Variants in ANKRD63 observed in about 807,000 individuals in gnomAD.
ANKRD63 encodes the protein ankyrin repeat domain-containing protein 63.
In ANKRD63, 18 loss-of-function variants were observed where a neutral mutation model predicts 21.2. The observed-to-expected ratio is 0.85, with a 90% confidence interval of 0.59 to 1.26. The LOEUF (loss-of-function observed/expected upper bound fraction) is 1.26, where lower values mean the gene tolerates loss of function less well. Among genes scored for constraint, ANKRD63 ranks in the 50% most tolerant of loss-of-function variants. The probability of loss-of-function intolerance (pLI) is 0.00; values close to 1 mark genes in which losing one functional copy is unlikely to be tolerated. For missense variants in ANKRD63, 523 were observed against 570.9 expected, an observed-to-expected ratio of 0.92 and a Z score of 0.85; for synonymous variants, 322 against 273.3, an observed-to-expected ratio of 1.18 and a Z score of -1.76.
Position 40,281,341 on chromosome 15 carries a change from T to C in ANKRD63, c.*103A>G. 1 of 1,064,316 alleles carries C rather than the reference T, an allele frequency of 9.4e-7. No individual in the cohort carries two copies. The highest frequency in any genetic ancestry group is 1.2e-6 in the Non-Finnish European group (1 of 805,280). 65.9% of individuals were successfully genotyped at this position (1,064,316 alleles called of 1,614,324 possible). ...CAGGGAGGCAGGTTCCAAAATGGACTGCGGGGGGCGGCTGCCGAAAAGGTG... is the reference window on the plus strand; with the variant it reads ...CAGGGAGGCAGGTTCCAAAATGGACCGCGGGGGGCGGCTGCCGAAAAGGTG... On this transcript the variant is annotated 3_prime_UTR_variant, in exon 1 of 1. Coordinates refer to ENST00000434396, the MANE Select transcript of ANKRD63 (RefSeq NM_001190479.3).
rs1022659900 is a variant in ANKRD63, at chr15:40,279,722, G to A, written c.*1722C>T. Among the ~76,000 whole-genome samples the A allele has an allele frequency of 6.6e-6, 1 of 152,226 alleles. No individual in the cohort carries two copies. Among genetic ancestry groups the A allele is most frequent in the Admixed American group, 6.5e-5 (1 of 15,288 alleles). On this transcript the variant is annotated 3_prime_UTR_variant, in exon 1 of 1. Coordinates refer to ENST00000434396, the MANE Select transcript of ANKRD63 (RefSeq NM_001190479.3). Reference sequence around the variant, plus strand: ...TCACCGCCAGGCCCAGCAGTATCTCGGCACATTCTCGCTCTGGGCAGTTCC... The same window carrying A: ...TCACCGCCAGGCCCAGCAGTATCTCAGCACATTCTCGCTCTGGGCAGTTCC...
chr15:40,282,385 GCA>G lies in ANKRD63; in HGVS notation c.200_201del (p.Val67AlafsTer42). 6.7e-7 allele frequency: 1 copy of G among 1,497,404 alleles called. No homozygotes were observed. Among genetic ancestry groups the G allele is most frequent in the Non-Finnish European group, 8.8e-7 (1 of 1,132,626 alleles). 92.8% of individuals were successfully genotyped at this position (1,497,404 alleles called of 1,614,324 possible). ...LPDPALRARF[V>X]RLLLEQGAAV... The stretch of plus-strand genomic sequence containing the variant: ...GCAGCACCCTGCTCGAGCAGCAGCC[GCA>G]CGAAGCGCGCGCGCAGCGCGGGGTC... On this transcript the variant is annotated frameshift_variant, in exon 1 of 1. Coordinates refer to ENST00000434396, the MANE Select transcript of ANKRD63 (RefSeq NM_001190479.3). LOFTEE classifies it high-confidence loss of function.
At position 40,282,129 on chromosome 15, in the gene ANKRD63, G is replaced by T; in HGVS notation, c.458C>A (p.Ala153Glu). 4 of 1,441,830 alleles carry T rather than the reference G, an allele frequency of 2.8e-6. No homozygotes were observed. Among genetic ancestry groups the T allele is most frequent in the Non-Finnish European group, 3.6e-6 (4 of 1,104,770 alleles). 89.3% of individuals were successfully genotyped at this position (1,441,830 alleles called of 1,614,324 possible). Residue 153 changes from alanine (A) to glutamate (E), a missense_variant, in exon 1 of 1, where the codon GCG (alanine) becomes GAG (glutamate). Transcript: ENST00000434396. ...GGCCAGTTGCAGCGCGGTGAGCCCC[G>T]CACGGTTGGTGCGGTCGAGGCGCAG... The part of the protein sequence containing the change: ...LGLRLDRTNR[A>E]GLTALQLAAA...
Position 40,280,502 on chromosome 15 carries a change from G to T in ANKRD63, c.*942C>A, listed in dbSNP as rs2039528606. On this transcript the variant is annotated 3_prime_UTR_variant, in exon 1 of 1. Transcript: ENST00000434396. ...ACAGCCTTCGCAACCGTTCCACCCC[G>T]CGGGAGCACCCACGTGCGGGACGGG... 6.6e-6 allele frequency among the ~76,000 whole-genome samples: 1 copy of T among 152,260 alleles called. No homozygotes were observed. The highest frequency in any genetic ancestry group is 1.5e-5 in the Non-Finnish European group (1 of 68,048).
chr15:40,281,925 C>G lies in ANKRD63; in HGVS notation c.662G>C (p.Arg221Pro). 1 of 1,400,168 alleles carries G rather than the reference C, an allele frequency of 7.1e-7. No individual in the cohort carries two copies. The highest frequency in any genetic ancestry group is 9.2e-7 in the Non-Finnish European group (1 of 1,087,596). 86.7% of individuals were successfully genotyped at this position (1,400,168 alleles called of 1,614,324 possible). The change falls in exon 1 of 1, where the codon CGC becomes CCC. Residue 221 changes from arginine (R) to proline (P), a missense_variant. By Grantham distance (103) the Arg-to-Pro change is moderately radical. Around this residue, in one of 2 missense-constraint regions of ANKRD63, gnomAD observed 308 missense variants for 290.4 expected, o/e 1.06. Transcript: ENST00000434396. The stretch of plus-strand genomic sequence containing the variant: ...GTGGCCGCCCGCCGCTCGCGCAAAG[C>G]GCGCCAGGAGAGGCCGCGGGAGGCG... ...PRRLPRPLLA[R>P]FARAAGGHGG...
rs779438129 is a variant in ANKRD63, at chr15:40,278,744, G to A, written c.*2700C>T. 2.0e-5 allele frequency among the ~76,000 whole-genome samples: 3 copies of A among 152,136 alleles called. No individual in the cohort carries two copies. Among genetic ancestry groups the A allele is most frequent in the African/African-American group, 4.8e-5 (2 of 41,412 alleles). ...TGGACAGCAAGGCAGTCAGACACAC[G>A]ATGCAGTTCAGACAGGAAAGAGCCG... On this transcript the variant is annotated 3_prime_UTR_variant, in exon 1 of 1. Coordinates refer to ENST00000434396, the MANE Select transcript of ANKRD63 (RefSeq NM_001190479.3).
rs1274260654 is a variant in ANKRD63, at chr15:40,282,014, G to A, written c.573C>T (p.Ser191=). Residue 191 remains serine, a synonymous_variant, in exon 1 of 1, where the codon TCC becomes TCT. Coordinates refer to ENST00000434396, the MANE Select transcript of ANKRD63 (RefSeq NM_001190479.3). ...GGGCCGGGCGGCCAGGGGGACTATC[G>A]GAGTTGGAGCCCCGGGCCGCAGCGG... ...AAAAAARGSN[S]DSPPGRPAPA... 8 of 1,218,202 alleles carry A rather than the reference G, an allele frequency of 6.6e-6. No homozygotes were observed. The highest frequency in any genetic ancestry group is 3.9e-5 in the South Asian group (1 of 25,710). The allele number at this position is 1,218,202 out of a possible 1,614,324, so 75.5% of individuals were successfully genotyped here.
rs8031327 is a variant in ANKRD63 at position 40,279,804 on chromosome 15, T to C, written c.*1640A>G. ...TGCAAAGGCAAACAGATCGAAGTCT[T>C]GCAAAGACCTTACTGCAGGCAGGTG... On this transcript the variant is annotated 3_prime_UTR_variant, in exon 1 of 1. Transcript: ENST00000434396. Among the ~76,000 whole-genome samples, 673 of 152,370 alleles carry C rather than the reference T, an allele frequency of 4.4e-3. 7 individuals carry two copies. The highest frequency in any genetic ancestry group is 0.015 in the African/African-American group (643 of 41,584).
chr15:40,282,581 G>T lies in ANKRD63; in HGVS notation c.6C>A (p.Leu2=). Residue 2 remains leucine (L), a synonymous_variant, in exon 1 of 1, where the codon CTC becomes CTA. Transcript: ENST00000434396. M[L]KPKDLCPRAG... is the part of the protein sequence containing the mutation. ...CTCGGGGGCACAGGTCCTTGGGTTT[G>T]AGCATGGCCCCGGCCGCCGCGCCCG... 3 of 1,410,374 alleles carry T rather than the reference G, an allele frequency of 2.1e-6. No individual in the cohort carries two copies. The highest frequency in any genetic ancestry group is 2.8e-6 in the Non-Finnish European group (3 of 1,087,046). The allele number at this position is 1,410,374 out of a possible 1,614,324, so 87.4% of individuals were successfully genotyped here. A position where few individuals can be genotyped will look rare whatever the true frequency, so the allele number is the denominator to read the frequency against.
At position 40,281,599 on chromosome 15, in the gene ANKRD63, G is replaced by A. The variant is rs1595613399; in HGVS notation, c.988C>T (p.Arg330Cys). The stretch of plus-strand genomic sequence containing the variant: ...CTGGGGATATCTGGGGCTGTGGAGC[G>A]TCGGCGCAAACCCAGGCGGCCAGAG... ...PGSGRLGLRRRSTAPDIPSLV... is the reference protein window; with the variant it reads ...PGSGRLGLRRCSTAPDIPSLV... Residue 330 changes from arginine (R) to cysteine (C), a missense_variant, in exon 1 of 1, where the codon CGC becomes TGC. Physicochemically the swap from Arg to Cys is radical, Grantham distance 180. Coordinates refer to ENST00000434396, the MANE Select transcript of ANKRD63 (RefSeq NM_001190479.3). 1 of 1,530,924 alleles carries A rather than the reference G, an allele frequency of 6.5e-7. No individual in the cohort carries two copies. Among genetic ancestry groups the A allele is most frequent in the Non-Finnish European group, 8.7e-7 (1 of 1,144,428 alleles). 94.8% of individuals were successfully genotyped at this position (1,530,924 alleles called of 1,614,324 possible). A position where few individuals can be genotyped will look rare whatever the true frequency, so the allele number is the denominator to read the frequency against.
Position 40,280,014 on chromosome 15 carries a change from C to A in ANKRD63, c.*1430G>T, listed in dbSNP as rs1162169013. ...TATAGGGCAGGAGGGTGGGGGCGAG[C>A]AGGCAGGGGACAAAGGACAGTGTCA... On this transcript the variant is annotated 3_prime_UTR_variant, in exon 1 of 1. Transcript: ENST00000434396. Among the ~76,000 whole-genome samples, 4 of 152,252 alleles carry A rather than the reference C, an allele frequency of 2.6e-5. No individual in the cohort carries two copies. Among genetic ancestry groups the A allele is most frequent in the African/African-American group, 9.6e-5 (4 of 41,470 alleles).
rs887822463 is a variant in ANKRD63, at chr15:40,278,749, A to C, written c.*2695T>G. Among the ~76,000 whole-genome samples the C allele has an allele frequency of 1.3e-5, 2 of 152,168 alleles. No homozygotes were observed. Among genetic ancestry groups the C allele is most frequent in the African/African-American group, 4.8e-5 (2 of 41,444 alleles). ...AGCAAGGCAGTCAGACACACGATGCAGTTCAGACAGGAAAGAGCCGCTGCA... is the reference window on the plus strand; with the variant it reads ...AGCAAGGCAGTCAGACACACGATGCCGTTCAGACAGGAAAGAGCCGCTGCA... On this transcript the variant is annotated 3_prime_UTR_variant, in exon 1 of 1. Coordinates refer to ENST00000434396, the MANE Select transcript of ANKRD63 (RefSeq NM_001190479.3).
At position 40,280,225 on chromosome 15, in the gene ANKRD63, C is replaced by A. The variant is rs2039525708; in HGVS notation, c.*1219G>T. On this transcript the variant is annotated 3_prime_UTR_variant, in exon 1 of 1. Coordinates refer to ENST00000434396, the MANE Select transcript of ANKRD63 (RefSeq NM_001190479.3). Reference sequence around the variant, plus strand: ...CCAGCGAGAAGCAGGAGCCGTTTAACAGGCTCCTTCCAGCTCTCGCCAGAG... The same window carrying A: ...CCAGCGAGAAGCAGGAGCCGTTTAAAAGGCTCCTTCCAGCTCTCGCCAGAG... Among the ~76,000 whole-genome samples, 3 of 152,274 alleles carry A rather than the reference C, an allele frequency of 2.0e-5. No individual in the cohort carries two copies. Among genetic ancestry groups the A allele is most frequent in the Admixed American group, 2.0e-4 (3 of 15,290 alleles).
At position 40,281,411 on chromosome 15, in the gene ANKRD63, G is replaced by A. The variant is rs2039540095; in HGVS notation, c.*33C>T. On this transcript the variant is annotated 3_prime_UTR_variant, in exon 1 of 1. Coordinates refer to ENST00000434396, the MANE Select transcript of ANKRD63 (RefSeq NM_001190479.3). The stretch of plus-strand genomic sequence containing the variant: ...ATACCAGTGGAGTAGAAACGGGAGG[G>A]TAGGGGAAGCAGGCCTCGGGCCTTG... The A allele has an allele frequency of 2.9e-6, 4 of 1,361,004 alleles. No homozygotes were observed. The highest frequency in any genetic ancestry group is 3.8e-6 in the Non-Finnish European group (4 of 1,059,488). 84.3% of individuals were successfully genotyped at this position (1,361,004 alleles called of 1,614,324 possible). A position where few individuals can be genotyped will look rare whatever the true frequency, so the allele number is the denominator to read the frequency against.
chr15:40,281,928 G>T lies in ANKRD63; in HGVS notation c.659C>A (p.Ala220Glu). 2 of 1,339,942 alleles carry T rather than the reference G, an allele frequency of 1.5e-6. No individual in the cohort carries two copies. The highest frequency in any genetic ancestry group is 1.9e-6 in the Non-Finnish European group (2 of 1,051,936). 83.0% of individuals were successfully genotyped at this position (1,339,942 alleles called of 1,614,324 possible). The change falls in exon 1 of 1, where the codon GCG becomes GAG. Residue 220 changes from alanine (A) to glutamate (E), a missense_variant. Around this residue, in one of 2 missense-constraint regions of ANKRD63, gnomAD observed 308 missense variants for 290.4 expected, o/e 1.06. Transcript: ENST00000434396. ...SPRRLPRPLL[A>E]RFARAAGGHG... is the part of the protein sequence containing the mutation. ...GCCGCCCGCCGCTCGCGCAAAGCGCGCCAGGAGAGGCCGCGGGAGGCGGCG... is the reference window on the plus strand; with the variant it reads ...GCCGCCCGCCGCTCGCGCAAAGCGCTCCAGGAGAGGCCGCGGGAGGCGGCG...
In ANKRD63 at chr15:40,279,654, T is replaced by C. The variant is rs1389528470; in HGVS notation, c.*1790A>G. 6.6e-6 allele frequency among the ~76,000 whole-genome samples: 1 copy of C among 152,148 alleles called. No individual in the cohort carries two copies. Among genetic ancestry groups the C allele is most frequent in the Non-Finnish European group, 1.5e-5 (1 of 68,004 alleles). Reference sequence around the variant, plus strand: ...AAGCGGAGGGCAAGGACTGGATAGGTGTCCTGACACCTGCACGAGGCCCAC... The same window carrying C: ...AAGCGGAGGGCAAGGACTGGATAGGCGTCCTGACACCTGCACGAGGCCCAC... On this transcript the variant is annotated 3_prime_UTR_variant, in exon 1 of 1. Transcript: ENST00000434396.
At position 40,281,439 on chromosome 15, in the gene ANKRD63, G is replaced by A. The variant is rs112040753; in HGVS notation, c.*5C>T. On this transcript the variant is annotated 3_prime_UTR_variant, in exon 1 of 1. Transcript: ENST00000434396. ...GGGGAAGCAGGCCTCGGGCCTTGGC[G>A]CCGTTTACCGCTGAGCACGCAGCAC... 0.012 allele frequency: 17,210 copies of A among 1,384,018 alleles called. 141 individuals carry two copies. The highest frequency in any genetic ancestry group is 0.041 in the Middle Eastern group (157 of 3,792). The allele number at this position is 1,384,018 out of a possible 1,614,324, so 85.7% of individuals were successfully genotyped here. A position where few individuals can be genotyped will look rare whatever the true frequency, so the allele number is the denominator to read the frequency against.
rs745702551 is a variant in ANKRD63 at position 40,279,186 on chromosome 15, G to T, written c.*2258C>A. ...GAGAGGCAGATGTTTTGGGAGAAGA[G>T]GGGAGGGAGAGGGCAGAATACCTCA... is the stretch of plus-strand genomic sequence containing the variant. On this transcript the variant is annotated 3_prime_UTR_variant, in exon 1 of 1. Coordinates refer to ENST00000434396, the MANE Select transcript of ANKRD63 (RefSeq NM_001190479.3). Among the ~76,000 whole-genome samples, 2 of 152,216 alleles carry T rather than the reference G, an allele frequency of 1.3e-5. No homozygotes were observed. The highest frequency in any genetic ancestry group is 2.9e-5 in the Non-Finnish European group (2 of 68,038).
At position 40,282,989 on chromosome 15, in the gene ANKRD63, C is replaced by T. The variant is rs909199843; in HGVS notation, c.-403G>A. Among the ~76,000 whole-genome samples, 6 of 152,206 alleles carry T rather than the reference C, an allele frequency of 3.9e-5. No individual in the cohort carries two copies. The highest frequency in any genetic ancestry group is 7.4e-5 in the Non-Finnish European group (5 of 68,022). On this transcript the variant is annotated 5_prime_UTR_variant, in exon 1 of 1. Transcript: ENST00000434396. ...TGCCACTCACCCGCACCCAGGGCAGCCCCCGCTCCCCCGCAGCGACGGTGG... is the reference window on the plus strand; with the variant it reads ...TGCCACTCACCCGCACCCAGGGCAGTCCCCGCTCCCCCGCAGCGACGGTGG...
Sources: allele counts gnomAD v4.1 joint callset (sites outside exome capture counted in the v4.1 genomes callset), GRCh38; gene constraint gnomAD v4.1.1; regional missense constraint gnomAD v4.1.1; transcripts MANE v1.5; gene names NCBI Gene and HGNC (gene_info 2026-07-23, HGNC 2026-07-21).